Variants in LRIG1 observed in about 807,000 individuals in gnomAD.
LRIG1 encodes the protein leucine rich repeats and immunoglobulin like domains 1, also known as leucine-rich repeats and immunoglobulin-like domains protein 1.
A neutral mutation model predicts 99.2 loss-of-function variants in LRIG1; 48 were observed. That is an observed-to-expected ratio of 0.48 (90% confidence interval 0.38 to 0.62). The LOEUF (loss-of-function observed/expected upper bound fraction) is 0.62, where lower values mean the gene tolerates loss of function less well. LRIG1 is among the 20% of genes least tolerant of loss of function. The pLI is 0.00. For missense variants in LRIG1, 1,646 were observed against 1,434.4 expected, an observed-to-expected ratio of 1.15 and a Z score of -2.38; for synonymous variants, 772 against 596.1, an observed-to-expected ratio of 1.29 and a Z score of -4.30.
intron 1 of LRIG1, among the ~76,000 whole-genome samples, chr3:66,494,311 C>A (rs1008343276): frequency 9.2e-5 from 14 of 152,190 alleles, no homozygotes; most frequent in African/African-American, 1.7e-4. Flanking sequence ...TAACTTTCAA[C>A]CCCTTCACCG....
At chr3:66,402,428 G>A (rs1702094355) in intron 9 of LRIG1, among the ~76,000 whole-genome samples, 1 of 152,216 alleles carries the variant, frequency 6.6e-6, no homozygotes, top group Non-Finnish European at 1.5e-5. Flanking sequence ...ACAGCTGTGT[G>A]CGTAAGCTGG....
At chr3:66,471,449 G>T (rs1700593379) in intron 1 of LRIG1, among the ~76,000 whole-genome samples, 1 of 152,172 alleles carries the variant, frequency 6.6e-6, no homozygotes, top group South Asian at 2.1e-4. Flanking sequence ...GCAGAACAGA[G>T]GGGGGTTGGA....
intron 1 of LRIG1, among the ~76,000 whole-genome samples, chr3:66,495,157 T>C (rs565200801): frequency 1.3e-5 from 2 of 152,302 alleles, no homozygotes; most frequent in African/African-American, 4.8e-5. Context: ...GAATGAACCC[T>C]AGTGGCTCAG....
chr3:66,492,155 C>A lies in LRIG1; in HGVS notation c.218+8035G>T, dbSNP rs1432488899. Among the ~76,000 whole-genome samples the A allele has an allele frequency of 2.0e-5, 3 of 152,182 alleles. No individual in the cohort carries two copies. The East Asian group carries it at 5.8e-4, about 29-fold the overall frequency. On this transcript the variant is annotated intron_variant, in intron 1 of 18. Coordinates refer to ENST00000273261, the MANE Select transcript of LRIG1 (RefSeq NM_015541.3). ...ACAAATGCTTTCAAACAAAAGAGCACTGGAACTACAAGATTTGAAACAACA... is the reference window on the plus strand; with the variant it reads ...ACAAATGCTTTCAAACAAAAGAGCAATGGAACTACAAGATTTGAAACAACA...
chr3:66,407,619 G>GCA (rs1185563930), intron 7 of LRIG1, 128 bp from the exon 8 acceptor site: 22 of 957,242 alleles, frequency 2.3e-5, no homozygotes, highest in Middle Eastern at 3.3e-4. Flanking sequence ...GCACGCGCGT[G>GCA]CGTGCACACA....
intron 9 of LRIG1, among the ~76,000 whole-genome samples, chr3:66,402,042 T>C (rs1702078370): frequency 6.6e-6 from 1 of 152,052 alleles, no homozygotes; most frequent in African/African-American, 2.4e-5. Flanking sequence ...TAGGCAGGGA[T>C]GGAGGCTGCG....
At position 66,380,679 on chromosome 3, in the gene LRIG1, C is replaced by A. The variant is rs529567262; in HGVS notation, c.2953G>T (p.Ala985Ser). The part of the protein sequence containing the change: ...SPHHQCSRTA[A>S]GSCPECQGSL... The stretch of plus-strand genomic sequence containing the variant: ...CCTTGGCACTCGGGGCAGGACCCAG[C>A]GGCAGTCCTGCTGCACTGGTGATGT... Residue 985 changes from alanine to serine, a missense_variant, in exon 18 of 19, where the codon GCT becomes TCT. Coordinates refer to ENST00000273261, the MANE Select transcript of LRIG1 (RefSeq NM_015541.3). 1.2e-6 allele frequency: 2 copies of A among 1,614,196 alleles called. No individual in the cohort carries two copies. Among genetic ancestry groups the A allele is most frequent in the South Asian group, 2.2e-5 (2 of 91,084 alleles).
At chr3:66,404,487 G>A (rs900000593) in intron 9 of LRIG1, 169 of 1,043,664 alleles carry the variant, frequency 1.6e-4, no homozygotes, top group Non-Finnish European at 1.9e-4. Flanking sequence ...AAAACAGGGC[G>A]GGCCAAGGGG....
chr3:66,462,610 A>T, intron 1 of LRIG1, 101 bp from the exon 2 acceptor site: 1 of 779,816 alleles, frequency 1.3e-6, no homozygotes, highest in Non-Finnish European at 2.2e-6. Context: ...CCTCAAATCC[A>T]AGCCCCCATC....
At chr3:66,384,858 G>A (rs1701289247) in intron 13 of LRIG1, among the ~76,000 whole-genome samples, 3 of 152,162 alleles carry the variant, frequency 2.0e-5, no homozygotes, top group African/African-American at 7.2e-5. Context: ...GACGCATCCA[G>A]CCACGTGTCA....
chr3:66,435,122 C>T (rs527890761), intron 3 of LRIG1, among the ~76,000 whole-genome samples: 50 of 152,200 alleles, frequency 3.3e-4, no homozygotes, highest in Non-Finnish European at 5.7e-4. Flanking sequence ...AGGAATGGAA[C>T]GACACATACA....
At chr3:66,420,396 A>T (rs567815879) in intron 3 of LRIG1, among the ~76,000 whole-genome samples, 1 of 152,222 alleles carries the variant, frequency 6.6e-6, no homozygotes, top group African/African-American at 2.4e-5. Context: ...CTGCAGAAGA[A>T]GACATTATGG....
chr3:66,497,004 A>C (rs11919996), intron 1 of LRIG1, among the ~76,000 whole-genome samples: 6,862 of 152,334 alleles, frequency 0.045, 534 homozygotes, highest in African/African-American at 0.16. Flanking sequence ...GGTTAGATTT[A>C]AGCTAACTGA....
intron 11 of LRIG1, among the ~76,000 whole-genome samples, chr3:66,396,220 A>AG (rs1701843495): frequency 6.6e-6 from 1 of 152,188 alleles, no homozygotes; most frequent in African/African-American, 2.4e-5. Flanking sequence ...ACAGCAAGTT[A>AG]GGACTGAGAG....
chr3:66,459,581 A>C (rs967681477), intron 2 of LRIG1, among the ~76,000 whole-genome samples: 3 of 152,114 alleles, frequency 2.0e-5, no homozygotes, highest in African/African-American at 7.3e-5. Context: ...TTCTTCATAC[A>C]AAAAATACTC....
intron 3 of LRIG1, chr3:66,417,515 A>C: frequency 6.3e-6 from 3 of 478,156 alleles, no homozygotes; most frequent in Admixed American, 6.8e-5. Flanking sequence ...AAGGGCAACA[A>C]CACAGCAGTG....
At chr3:66,383,892 C>T (rs1701231187) in intron 14 of LRIG1, 99 bp downstream of exon 14, 3 of 1,490,004 alleles carry the variant, frequency 2.0e-6, no homozygotes, top group South Asian at 2.7e-5. Flanking sequence ...GTCGAAAGGC[C>T]CACAACGCAT....
At chr3:66,466,804 T>C (rs758707462) in intron 1 of LRIG1, among the ~76,000 whole-genome samples, 3 of 152,228 alleles carry the variant, frequency 2.0e-5, no homozygotes, top group Non-Finnish European at 4.4e-5. Flanking sequence ...GTCAAAACAA[T>C]TCATCTGTCA....
At chr3:66,408,773 A>G (rs1702363457) in intron 7 of LRIG1, among the ~76,000 whole-genome samples, 1 of 152,174 alleles carries the variant, frequency 6.6e-6, no homozygotes, top group Non-Finnish European at 1.5e-5. Context: ...CATGGAATGC[A>G]CAACTGCAGG....
Sources: gnomAD v4.1 joint callset for allele counts (sites outside exome capture counted in the v4.1 genomes callset) on GRCh38, gnomAD v4.1.1 for gene constraint, MANE v1.5 for transcripts, NCBI Gene and HGNC (gene_info 2026-07-23, HGNC 2026-07-21) for gene names.